The following L1CAM variants were observed in gnomAD, a reference collection of about 807,000 sequenced individuals.
L1CAM encodes the protein L1 cell adhesion molecule.
A neutral mutation model predicts 93.0 loss-of-function variants in L1CAM; 8 were observed. That is an observed-to-expected ratio of 0.09 (90% CI 0.05 to 0.16). The LOEUF (loss-of-function observed/expected upper bound fraction) is 0.16. L1CAM is among the 10% of genes least tolerant of loss of function. L1CAM has a pLI of 1.00. For missense variants in L1CAM, 777 were observed against 1,073.4 expected, an observed-to-expected ratio of 0.72 and a Z score of 3.86; for synonymous variants, 453 against 453.0, an observed-to-expected ratio of 1.00 and a Z score of 0.00.
At chrX:153,862,967 A>G in intron 28 of L1CAM, 73 bp from the exon 29 acceptor site, 2 of 830,212 alleles carry the variant, frequency 2.4e-6, no homozygotes, top group African/African-American at 2.0e-5. Flanking sequence ...GGGGTGAGGC[A>G]GACGCCCGCC....
chrX:153,873,844 C>G (rs1380995828), intron 2 of L1CAM, among the ~76,000 whole-genome samples: 1 of 112,776 alleles, frequency 8.9e-6, no homozygotes, highest in Non-Finnish European at 1.9e-5. Context: ...TCCTCCCAGA[C>G]AGCCACCAAG....
In L1CAM at chrX:153,875,203, C is replaced by T. The variant is rs782387077; in HGVS notation, c.76+558G>A. On this transcript the variant is annotated intron_variant, in intron 2 of 28. Coordinates refer to ENST00000370060, the MANE Select transcript of L1CAM (RefSeq NM_001278116.2). ...TGCCCCCACCCCCACCAAATAACTA[C>T]ACACAAAAAAGGGTCCAGAAGGCTG... is the stretch of plus-strand genomic sequence containing the variant. 3.6e-5 allele frequency among the ~76,000 whole-genome samples: 4 copies of T among 111,574 alleles called. No individual in the cohort carries two copies. The South Asian group carries it at 1.1e-3, about 32-fold the overall frequency.
rs1187116339 is a variant in L1CAM at position 153,864,774 on chromosome X, C to T, written c.3046+47G>A. On this transcript the variant is annotated intron_variant, in intron 23 of 28. Coordinates refer to ENST00000370060, the MANE Select transcript of L1CAM (RefSeq NM_001278116.2). ...AAGTCTAAGGCCCTCCCTCCTGGAC[C>T]CGGCTGGCCGGGGCCTCCCTGTTGG... 8 of 1,210,348 alleles carry T rather than the reference C, an allele frequency of 6.6e-6. No homozygotes were observed. In the East Asian group the frequency reaches 1.5e-4, roughly 22 times the overall value.
In L1CAM at chrX:153,868,336, C is replaced by T. The variant is rs782479917; in HGVS notation, c.1669G>A (p.Gly557Ser). ...LQPSITWRGDGRDLQELGDSD... is the reference protein window; with the variant it reads ...LQPSITWRGDSRDLQELGDSD... ...TCCCCAAGCTCCTGGAGGTCTCGACCGTCCCCACGCCAGGTGATGCTGGGC... is the reference window on the plus strand; with the variant it reads ...TCCCCAAGCTCCTGGAGGTCTCGACTGTCCCCACGCCAGGTGATGCTGGGC... Residue 557 changes from glycine to serine, a missense_variant, in exon 14 of 29, where the codon GGT becomes AGT. Gly to Ser is a moderately conservative substitution (Grantham distance 56). Transcript: ENST00000370060. The T allele has an allele frequency of 3.1e-5, 37 of 1,209,560 alleles. No homozygotes were observed. In the Middle Eastern group the frequency reaches 6.9e-4, roughly 23 times the overall value.
chrX:153,883,736 T>G (rs1557096223), intron 1 of L1CAM: 1 of 340,386 alleles, frequency 2.9e-6, no homozygotes, highest in Non-Finnish European at 5.9e-6. Flanking sequence ...GGGATCCCCA[T>G]CCTGGCAGAC....
At chrX:153,864,231 G>A in intron 25 of L1CAM, 91 bp downstream of exon 25, 3 of 1,063,011 alleles carry the variant, frequency 2.8e-6, no homozygotes, top group East Asian at 3.0e-5. Flanking sequence ...AGGGAGCCTG[G>A]GCAGTAGTGG....
At chrX:153,866,516 C>T in intron 19 of L1CAM, 133 bp downstream of exon 19, 2 of 466,072 alleles carry the variant, frequency 4.3e-6, no homozygotes, top group South Asian at 3.7e-5. Flanking sequence ...AATTTCATAA[C>T]GTCGCTCTGG....
At position 153,867,581 on chromosome X, in the gene L1CAM, T is replaced by A. The variant is rs1557091429; in HGVS notation, c.1940-28A>T. On this transcript the variant is annotated intron_variant, in intron 16 of 28. Coordinates refer to ENST00000370060, the MANE Select transcript of L1CAM (RefSeq NM_001278116.2). ...GCCAAGAAATGAACCGACAATGGAG[T>A]GATCAGCATGTGGCTTTGGGGGAAG... 4 of 1,171,215 alleles carry A rather than the reference T, an allele frequency of 3.4e-6. No homozygotes were observed. In the Admixed American group the frequency reaches 8.7e-5, roughly 25 times the overall value.
Position 153,869,612 on chromosome X carries a change from C to G in L1CAM, c.1175G>C (p.Ser392Thr). ...YRIQRGALIL[S>T]NVQPSDTMVT... ...CATTGTGTCACTGGGCTGCACGTTG[C>G]TCAGGATCAGGGCGCCACGCTGAAT... Residue 392 changes from serine to threonine, a missense_variant, in exon 11 of 29, where the codon AGC becomes ACC. Coordinates refer to ENST00000370060, the MANE Select transcript of L1CAM (RefSeq NM_001278116.2). 1 of 1,210,070 alleles carries G rather than the reference C, an allele frequency of 8.3e-7. No homozygotes were observed.
chrX:153,882,418 A>G (rs1557095879), intron 1 of L1CAM, among the ~76,000 whole-genome samples: 1 of 110,135 alleles, frequency 9.1e-6, no homozygotes, highest in Non-Finnish European at 1.9e-5. Flanking sequence ...GAGGAGACCC[A>G]CGTGGCCTCA....
chrX:153,879,449 G>A (rs1272271876), intron 1 of L1CAM, among the ~76,000 whole-genome samples: 2 of 108,175 alleles, frequency 1.8e-5, no homozygotes, highest in African/African-American at 3.4e-5. Context: ...GTGCGCGTGC[G>A]CGCAGGCCGC....
chrX:153,866,197 C>A (rs921038457), intron 19 of L1CAM, among the ~76,000 whole-genome samples: 2 of 108,424 alleles, frequency 1.8e-5, no homozygotes, highest in Non-Finnish European at 3.8e-5. Context: ...CCTGTAATCC[C>A]AGCTAATCAG....
chrX:153,868,755 T>C (rs782199394), intron 12 of L1CAM, 28 bp from the exon 13 acceptor site: 35 of 1,208,864 alleles, frequency 2.9e-5, no homozygotes, highest in South Asian at 1.2e-4. Context: ...GGCCTGGCTC[T>C]GACTGGCTGG....
intron 7 of L1CAM, 95 bp downstream of exon 7, chrX:153,870,695 G>A (rs1234853152): frequency 2.1e-6 from 2 of 972,567 alleles, no homozygotes; most frequent in East Asian, 6.2e-5. Flanking sequence ...CTGTTCTTGA[G>A]GAAGCCTGGA....
chrX:153,866,893 G>A (rs782672752), intron 18 of L1CAM, 22 bp from the exon 19 acceptor site: 52 of 1,185,195 alleles, frequency 4.4e-5, no homozygotes, highest in Non-Finnish European at 5.8e-5. Context: ...CAGCAGAAGA[G>A]GAGTTGGTTG....
intron 1 of L1CAM, among the ~76,000 whole-genome samples, chrX:153,882,377 C>G (rs1424876924): frequency 9.0e-6 from 1 of 111,013 alleles, no homozygotes; most frequent in African/African-American, 3.3e-5. Flanking sequence ...CAGCCCCACC[C>G]CTTCCCAGCA....
rs781932140 is a variant in L1CAM at position 153,864,342 on chromosome X, G to A, written c.3302C>T (p.Ala1101Val). The A allele has an allele frequency of 1.7e-6, 2 of 1,210,181 alleles. No homozygotes were observed. Among genetic ancestry groups the A allele is most frequent in the African/African-American group, 1.7e-5 (1 of 57,342 alleles). The change falls in exon 25 of 29, where the codon GCT becomes GTT. Residue 1101 changes from alanine to valine, a missense_variant. Physicochemically the swap from Ala to Val is moderately conservative, Grantham distance 64. This residue lies in a region of L1CAM where 110 missense variants were observed against 141.7 expected (regional missense o/e 0.78). Coordinates refer to ENST00000370060, the MANE Select transcript of L1CAM (RefSeq NM_001278116.2). ...CTCACCTGTGCCATTGGTCTTCACA[G>A]CCATTTGGTGCCGGAACATCCTCTC... ...FKERMFRHQM[A>V]VKTNGTGRVR... is the part of the protein sequence containing the mutation.
In L1CAM at chrX:153,869,374, C is replaced by T. The variant is rs946866777; in HGVS notation, c.1267+146G>A. 10 of 635,582 alleles carry T rather than the reference C, an allele frequency of 1.6e-5. No individual in the cohort carries two copies. In the Admixed American group the frequency reaches 1.6e-4, roughly 10 times the overall value. The allele number at this position is 635,582 out of a possible 1,213,427, so 52.4% of individuals were successfully genotyped here. On this transcript the variant is annotated intron_variant, in intron 11 of 28. Coordinates refer to ENST00000370060, the MANE Select transcript of L1CAM (RefSeq NM_001278116.2). ...TATCGTGAGGCTGAGTGAGATGGGGCGAAGGGTGTCAGCAAGGAGAAAGGT... is the reference window on the plus strand; with the variant it reads ...TATCGTGAGGCTGAGTGAGATGGGGTGAAGGGTGTCAGCAAGGAGAAAGGT...
chrX:153,881,538 G>A (rs1199826238), intron 1 of L1CAM, among the ~76,000 whole-genome samples: 5 of 111,776 alleles, frequency 4.5e-5, no homozygotes, highest in African/African-American at 1.6e-4. Context: ...TCAACATCAC[G>A]TCTCAGCACA....
Sources: gnomAD v4.1 joint callset for allele counts (sites outside exome capture counted in the v4.1 genomes callset) on GRCh38, gnomAD v4.1.1 for gene constraint, gnomAD v4.1.1 regional missense constraint, MANE v1.5 for transcripts, NCBI Gene and HGNC (gene_info 2026-07-23, HGNC 2026-07-21) for gene names.